Variants in GPM6B observed in about 807,000 individuals in gnomAD.
GPM6B encodes the protein glycoprotein M6B.
A neutral mutation model predicts 27.2 loss-of-function variants in GPM6B; 4 were observed. That is an observed-to-expected ratio of 0.15 (90% CI 0.07 to 0.34). GPM6B has a LOEUF of 0.34. Ranked by LOEUF, GPM6B falls within the 10% of genes least tolerant of loss-of-function variation. The pLI is 1.00. For synonymous variants in GPM6B, 124 were observed against 103.1 expected, an observed-to-expected ratio of 1.20 and a Z score of -1.23; for missense variants, 183 against 261.9, an observed-to-expected ratio of 0.70 and a Z score of 2.08.
At chrX:13,833,573 GA>G (rs369222686) in intron 1 of GPM6B, among the ~76,000 whole-genome samples, 29 of 74,127 alleles carry the variant, frequency 3.9e-4, no homozygotes, top group African/African-American at 9.4e-4. Context: ...AAAAAAACTA[GA>G]AAAAAAATTA....
intron 1 of GPM6B, among the ~76,000 whole-genome samples, chrX:13,887,283 C>G (rs1569286689): frequency 8.9e-6 from 1 of 112,509 alleles, no homozygotes; most frequent in Non-Finnish European, 1.9e-5. Context: ...GTTTCTCCTT[C>G]AGGAGGGCCT....
intron 2 of GPM6B, among the ~76,000 whole-genome samples, chrX:13,793,039 A>G (rs996114953): frequency 1.8e-5 from 2 of 109,094 alleles, no homozygotes; most frequent in African/African-American, 6.7e-5. Flanking sequence ...AGAGTCAAAC[A>G]TACCTCATTA....
intron 2 of GPM6B, among the ~76,000 whole-genome samples, chrX:13,801,834 G>T (rs888989444): frequency 9.9e-5 from 11 of 111,623 alleles, no homozygotes; most frequent in African/African-American, 3.6e-4. Flanking sequence ...ATTGTTCATG[G>T]AAGTCTCCAG....
Position 13,807,705 on chromosome X carries a change from G to A in GPM6B, c.126C>T (p.His42=). 8.3e-7 allele frequency: 1 copy of A among 1,206,198 alleles called. No homozygotes were observed. Among genetic ancestry groups the A allele is most frequent in the Non-Finnish European group, 1.1e-6 (1 of 890,751 alleles). ...CCAGGGTTGGCACGGGATGGTACTGGTGGTTCTTTGAGCCTGGGTACATCC... is the reference window on the plus strand; with the variant it reads ...CCAGGGTTGGCACGGGATGGTACTGATGGTTCTTTGAGCCTGGGTACATCC... The part of the protein sequence containing the change: ...YHWMYPGSKN[H]QYHPVPTLGD... Residue 42 remains histidine, a synonymous_variant, in exon 2 of 8, where the codon CAC becomes CAT. Coordinates refer to ENST00000316715, the MANE Select transcript of GPM6B (RefSeq NM_001001995.3).
At chrX:13,817,642 T>C (rs2049261464), upstream of GPM6B, among the ~76,000 whole-genome samples, 2 of 112,617 alleles carry the variant, frequency 1.8e-5, no homozygotes, top group African/African-American at 6.4e-5. Flanking sequence ...TATTTGTCTT[T>C]CATACAATTT....
intron 1 of GPM6B, among the ~76,000 whole-genome samples, chrX:13,902,534 C>G (rs774431645): frequency 1.8e-5 from 2 of 110,811 alleles, no homozygotes; most frequent in Non-Finnish European, 3.8e-5. Flanking sequence ...GTGGTTTGAT[C>G]TCATGATCTC....
chrX:13,908,256 A>C (rs2050347283), intron 1 of GPM6B, among the ~76,000 whole-genome samples: 1 of 111,671 alleles, frequency 9.0e-6, no homozygotes, highest in Non-Finnish European at 1.9e-5. Flanking sequence ...TGCCCCCCTT[A>C]ACCAAATGAT....
intron 2 of GPM6B, among the ~76,000 whole-genome samples, chrX:13,805,992 C>T (rs181340336): frequency 2.9e-4 from 32 of 108,676 alleles, no homozygotes; most frequent in African/African-American, 1.0e-3. Context: ...TTTTTTGCTG[C>T]TTTTTTTTTC....
chrX:13,797,622 GAA>G (rs1264216770), intron 2 of GPM6B, among the ~76,000 whole-genome samples: 1 of 111,180 alleles, frequency 9.0e-6, no homozygotes, highest in East Asian at 2.8e-4. Context: ...GCAGCAAGGG[GAA>G]GAGAGGGAAG....
Position 13,772,815 on chromosome X carries a change from G to A in GPM6B, c.*66C>T. ...GTTTGGTGGGATACACATCTGTACT[G>A]CAGAGCAGCTGTCTGATGATTTGTC... On this transcript the variant is annotated 3_prime_UTR_variant, in exon 8 of 8. Coordinates refer to ENST00000316715, the MANE Select transcript of GPM6B (RefSeq NM_001001995.3). 1 of 1,072,210 alleles carries A rather than the reference G, an allele frequency of 9.3e-7. No homozygotes were observed. Among genetic ancestry groups the A allele is most frequent in the Non-Finnish European group, 1.3e-6 (1 of 777,451 alleles). 88.4% of individuals were successfully genotyped at this position (1,072,210 alleles called of 1,213,427 possible). A position where few individuals can be genotyped will look rare whatever the true frequency, so the allele number is the denominator to read the frequency against.
At chrX:13,873,086 G>A (rs2049996908) in intron 1 of GPM6B, among the ~76,000 whole-genome samples, 1 of 111,376 alleles carries the variant, frequency 9.0e-6, no homozygotes, top group Non-Finnish European at 1.9e-5. Context: ...TTGTTCTGCA[G>A]AAATGGGGTC....
chrX:13,922,903 C>T (rs1921002445), intron 1 of GPM6B, among the ~76,000 whole-genome samples: 1 of 111,975 alleles, frequency 8.9e-6, no homozygotes, highest in Non-Finnish European at 1.9e-5. Flanking sequence ...TGGCCGGGTG[C>T]GGTGGCTCAC....
intron 1 of GPM6B, among the ~76,000 whole-genome samples, chrX:13,908,489 G>C (rs1304735138): frequency 8.9e-6 from 1 of 112,155 alleles, no homozygotes; most frequent in Non-Finnish European, 1.9e-5. Context: ...GAAAAACTTA[G>C]GAACTATCAC....
chrX:13,929,750 C>G lies in GPM6B; in HGVS notation c.-198+8577G>C, dbSNP rs141901267. Among the ~76,000 whole-genome samples the G allele has an allele frequency of 6.8e-3, 759 of 111,448 alleles. 6 individuals are homozygous for G. The highest frequency in any genetic ancestry group is 0.023 in the African/African-American group (698 of 30,626). On this transcript the variant is annotated intron_variant, in intron 1 of 6. Transcript: ENST00000398361. ...GAGAACACAGATGCTGCAAAACACTCTATAATGCGCAGGACAGCCCTCATA... is the reference window on the plus strand; with the variant it reads ...GAGAACACAGATGCTGCAAAACACTGTATAATGCGCAGGACAGCCCTCATA...
intron 2 of GPM6B, among the ~76,000 whole-genome samples, chrX:13,801,216 A>AC (rs762528113): frequency 5.4e-5 from 6 of 111,566 alleles, no homozygotes; most frequent in Non-Finnish European, 5.7e-5. Flanking sequence ...TCAGAGAAGG[A>AC]CCTGAAAGAG....
intron 1 of GPM6B, among the ~76,000 whole-genome samples, chrX:13,906,229 C>T (rs1344893328): frequency 8.9e-6 from 1 of 112,373 alleles, no homozygotes; most frequent in Non-Finnish European, 1.9e-5. Flanking sequence ...TCCCACTTCC[C>T]CTCCCCTAAC....
intron 1 of GPM6B, among the ~76,000 whole-genome samples, chrX:13,857,230 T>C (rs2049791827): frequency 9.0e-6 from 1 of 111,456 alleles, no homozygotes. Context: ...AGGGAACATA[T>C]TCACAGGTTT....
chrX:13,841,056 G>A (rs67119835), intron 1 of GPM6B, among the ~76,000 whole-genome samples: 15,540 of 111,762 alleles, frequency 0.14, 1,741 homozygotes, highest in African/African-American at 0.38. Context: ...TACTTTAGAC[G>A]TTCATATATG....
chrX:13,840,594 C>T (rs2049560958), intron 1 of GPM6B, among the ~76,000 whole-genome samples: 1 of 111,708 alleles, frequency 9.0e-6, no homozygotes, highest in Non-Finnish European at 1.9e-5. Flanking sequence ...GAAGGAATTC[C>T]TCCACCCCCA....
Sources: gnomAD v4.1 joint callset for allele counts (sites outside exome capture counted in the v4.1 genomes callset) on GRCh38, gnomAD v4.1.1 for gene constraint, MANE v1.5 for transcripts, NCBI Gene and HGNC (gene_info 2026-07-23, HGNC 2026-07-21) for gene names.